The following NALF1 variants were observed in gnomAD, a reference collection of about 807,000 sequenced individuals.
NALF1 encodes family with sequence similarity 155 member A.
A neutral mutation model predicts 48.4 loss-of-function variants in NALF1; 3 were observed. That is an observed-to-expected ratio of 0.06 (90% CI 0.03 to 0.16). The LOEUF (loss-of-function observed/expected upper bound fraction) is 0.16. NALF1 is among the 10% of genes least tolerant of loss of function. NALF1 has a pLI of 1.00. For missense variants in NALF1, 526 were observed against 571.5 expected, an observed-to-expected ratio of 0.92 and a Z score of 0.81; for synonymous variants, 262 against 245.7, an observed-to-expected ratio of 1.07 and a Z score of -0.62.
At chr13:107,235,222 A>G (rs1318537765) in intron 1 of NALF1, among the ~76,000 whole-genome samples, 1 of 152,210 alleles carries the variant, frequency 6.6e-6, no homozygotes. Flanking sequence ...CTGTCTTCCT[A>G]TTATTCAAGT....
intron 1 of NALF1, among the ~76,000 whole-genome samples, chr13:107,675,706 T>A (rs1935133): frequency 0.14 from 21,252 of 152,136 alleles, 1,981 homozygotes; most frequent in Admixed American, 0.21. Context: ...CCTGGTTCTA[T>A]CACCAACGTT....
At chr13:107,762,518 A>T (rs866857786) in intron 1 of NALF1, among the ~76,000 whole-genome samples, 1 of 152,168 alleles carries the variant, frequency 6.6e-6, no homozygotes, top group Admixed American at 6.6e-5. Flanking sequence ...GTGAGTGAAG[A>T]TCTGAACTGG....
intron 1 of NALF1, among the ~76,000 whole-genome samples, chr13:107,638,745 A>C (rs1880060885): frequency 6.6e-6 from 1 of 152,136 alleles, no homozygotes; most frequent in African/African-American, 2.4e-5. Context: ...AGCTATCTGA[A>C]GATTTTGGAG....
intron 1 of NALF1, among the ~76,000 whole-genome samples, chr13:107,510,400 C>G (rs1346419243): frequency 6.6e-6 from 1 of 152,092 alleles, no homozygotes; most frequent in Non-Finnish European, 1.5e-5. Context: ...GATTTCATTA[C>G]TTTTAAATGG....
intron 1 of NALF1, among the ~76,000 whole-genome samples, chr13:107,661,925 C>G (rs374421988): frequency 6.6e-6 from 1 of 152,006 alleles, no homozygotes; most frequent in Non-Finnish European, 1.5e-5. Flanking sequence ...AACTCTTAAA[C>G]CCAATCCTGT....
At chr13:107,723,815 T>G (rs1249733478) in intron 1 of NALF1, among the ~76,000 whole-genome samples, 10 of 152,214 alleles carry the variant, frequency 6.6e-5, no homozygotes, top group African/African-American at 2.4e-4. Context: ...CTTACAACTT[T>G]TACCTAATTT....
At chr13:107,414,508 A>C (rs1005425538) in intron 1 of NALF1, among the ~76,000 whole-genome samples, 1 of 150,546 alleles carries the variant, frequency 6.6e-6, no homozygotes, top group Non-Finnish European at 1.5e-5. Context: ...TCTATTAAAT[A>C]TAATTAAATT....
chr13:107,832,951 G>A (rs770644134), intron 1 of NALF1, among the ~76,000 whole-genome samples: 2 of 152,120 alleles, frequency 1.3e-5, no homozygotes, highest in South Asian at 2.1e-4. Flanking sequence ...GCAGCACAGC[G>A]CCTGCTGGCA....
chr13:107,221,645 A>C (rs1027024352), intron 1 of NALF1, among the ~76,000 whole-genome samples: 2 of 152,210 alleles, frequency 1.3e-5, no homozygotes, highest in African/African-American at 4.8e-5. Context: ...AGGTGTTTTC[A>C]ATGCACGGTA....
Position 107,866,067 on chromosome 13 carries a change from G to A in NALF1, c.530C>T (p.Ser177Phe), listed in dbSNP as rs1880706067. Residue 177 changes from serine (S) to phenylalanine (F), a missense_variant, in exon 1 of 3, where the codon TCC becomes TTC. This residue lies in a region of NALF1 where 373 missense variants were observed against 355.5 expected (regional missense o/e 1.05). Coordinates refer to ENST00000375915, the MANE Select transcript of NALF1 (RefSeq NM_001080396.3). The surrounding 1 kb of genome is among the most constrained non-coding windows in gnomAD (Gnocchi z 4.4). ...RLETCYPQGA[S>F]SGQCFTVENA... ...CTCCACCGTGAAGCACTGGCCCGAG[G>A]ACGCGCCCTGGGGGTAACAAGTCTC... The A allele has an allele frequency of 6.2e-7, 1 of 1,612,926 alleles. No individual in the cohort carries two copies. The highest frequency in any genetic ancestry group is 2.2e-5 in the East Asian group (1 of 44,866).
chr13:107,674,874 T>C (rs1231981192), intron 1 of NALF1, among the ~76,000 whole-genome samples: 4 of 152,164 alleles, frequency 2.6e-5, no homozygotes, highest in Non-Finnish European at 5.9e-5. Flanking sequence ...TTTTTTGCAC[T>C]CTCACTCCCT....
chr13:107,262,769 G>GCGCTCTCTCTCT lies in NALF1; in HGVS notation c.916-52015_916-52014insAGAGAGAGAGCG, dbSNP rs36027059. 8.8e-4 allele frequency among the ~76,000 whole-genome samples: 127 copies of GCGCTCTCTCTCT among 144,104 alleles called. 2 individuals are homozygous for GCGCTCTCTCTCT. The highest frequency in any genetic ancestry group is 1.3e-3 in the Non-Finnish European group (89 of 66,686). The allele number at this position is 144,104 out of a possible 152,430, so 94.5% of individuals were successfully genotyped here. A position where few individuals can be genotyped will look rare whatever the true frequency, so the allele number is the denominator to read the frequency against. On this transcript the variant is annotated intron_variant, in intron 1 of 2. Coordinates refer to ENST00000375915, the MANE Select transcript of NALF1 (RefSeq NM_001080396.3). The stretch of plus-strand genomic sequence containing the variant: ...ATATTAAGTTGCATAACCCACAGGC[G>GCGCTCTCTCTCT]CTCTCTCTCTCTCTCTCTCTCTCTC...
At chr13:107,338,041 C>CA (rs1460888309) in intron 1 of NALF1, among the ~76,000 whole-genome samples, 2 of 152,196 alleles carry the variant, frequency 1.3e-5, no homozygotes, top group African/African-American at 2.4e-5. Context: ...ATTTCATCCA[C>CA]TATATGATGT....
At chr13:107,311,088 G>A (rs1001416246) in intron 1 of NALF1, among the ~76,000 whole-genome samples, 6 of 152,142 alleles carry the variant, frequency 3.9e-5, no homozygotes, top group African/African-American at 1.2e-4. Flanking sequence ...CCTAAGTGAC[G>A]TTATAACACA....
intron 1 of NALF1, among the ~76,000 whole-genome samples, chr13:107,686,827 G>T (rs181226735): frequency 4.2e-4 from 64 of 152,178 alleles, no homozygotes; most frequent in Admixed American, 3.3e-3. Context: ...GTGGAGAAAA[G>T]GATACACTTA....
chr13:107,617,857 C>T (rs181382994), intron 1 of NALF1, among the ~76,000 whole-genome samples: 87 of 152,274 alleles, frequency 5.7e-4, no homozygotes, highest in African/African-American at 1.7e-3. Context: ...TAATTCACCA[C>T]TCTGAATGAC....
chr13:107,242,603 CATTA>C (rs566382388), intron 1 of NALF1, among the ~76,000 whole-genome samples: 3 of 152,236 alleles, frequency 2.0e-5, no homozygotes, highest in Admixed American at 6.5e-5. Flanking sequence ...AATTGATTAA[CATTA>C]ATTAACACAA....
chr13:107,359,660 C>G (rs1883026382), intron 1 of NALF1, among the ~76,000 whole-genome samples: 1 of 140,890 alleles, frequency 7.1e-6, no homozygotes, highest in African/African-American at 2.5e-5. Flanking sequence ...GTGGCAATTT[C>G]TCTCTAGTTT....
At chr13:107,215,565 G>T (rs572133036) in intron 1 of NALF1, among the ~76,000 whole-genome samples, 217 of 152,258 alleles carry the variant, frequency 1.4e-3, no homozygotes, top group African/African-American at 4.9e-3. Context: ...GACCGAGGGG[G>T]AGTACTTTGC....
Sources: allele counts gnomAD v4.1 joint callset (sites outside exome capture counted in the v4.1 genomes callset), GRCh38; gene constraint gnomAD v4.1.1; regional missense constraint gnomAD v4.1.1; non-coding constraint Gnocchi (gnomAD v3.1); transcripts MANE v1.5; gene names NCBI Gene and HGNC (gene_info 2026-07-23, HGNC 2026-07-21).